Variants in PRKG1 observed in about 807,000 individuals in gnomAD.
PRKG1 encodes the protein protein kinase cGMP-dependent 1.
Under a neutral mutation model 88.1 loss-of-function variants are expected in PRKG1, and 35 were observed. The ratio of observed to expected loss-of-function variants is 0.40; its 90% CI spans 0.30 to 0.53. PRKG1 has a LOEUF of 0.53. Among genes scored for constraint, PRKG1 ranks in the 20% least tolerant of loss-of-function variants. The pLI is 0.59. For missense variants in PRKG1, 540 were observed against 839.8 expected (o/e 0.64, Z 4.41); for synonymous variants, 303 against 292.5 (o/e 1.04, Z -0.37).
intron 1 of PRKG1, among the ~76,000 whole-genome samples, chr10:51,143,538 G>A (rs1013270481): frequency 6.6e-6 from 1 of 151,910 alleles, no homozygotes; most frequent in African/African-American, 2.4e-5. Flanking sequence ...AATTTTTTGA[G>A]GAATCTTCAT....
Position 52,011,886 on chromosome 10 carries a change from T to G in PRKG1, c.763-42598T>G, listed in dbSNP as rs183531225. On this transcript the variant is annotated intron_variant, in intron 5 of 17. Transcript: ENST00000373980. ...AATGGATCTCATGATATCTGATGGTTGTAAAAATGGGAGATTCTCTGCACA... is the reference window on the plus strand; with the variant it reads ...AATGGATCTCATGATATCTGATGGTGGTAAAAATGGGAGATTCTCTGCACA... Among the ~76,000 whole-genome samples, 586 of 152,272 alleles carry G rather than the reference T, an allele frequency of 3.8e-3. 6 individuals carry two copies. The highest frequency in any genetic ancestry group is 0.013 in the African/African-American group (561 of 41,556).
intron 7 of PRKG1, among the ~76,000 whole-genome samples, chr10:52,120,643 C>G (rs984971062): frequency 2.6e-5 from 4 of 152,200 alleles, no homozygotes; most frequent in South Asian, 2.1e-4. Context: ...ATTAAATCTT[C>G]AGAACAATCT....
chr10:51,163,564 ACCAT>A (rs1846427643), intron 2 of PRKG1, among the ~76,000 whole-genome samples: 2 of 152,182 alleles, frequency 1.3e-5, no homozygotes, highest in Non-Finnish European at 2.9e-5. Flanking sequence ...GCGCACCCGC[ACCAT>A]GTGCGAGCCG....
chr10:51,280,784 T>A lies in PRKG1; in HGVS notation c.478+127454T>A, dbSNP rs543758072. Among the ~76,000 whole-genome samples, 11 of 152,284 alleles carry A rather than the reference T, an allele frequency of 7.2e-5. No homozygotes were observed. In the East Asian group the frequency reaches 1.2e-3, roughly 16 times the overall value. ...CATTCTTCTAATCTTTTTTCAAGGTTTTTAGCTTCTTTGCGATGGGTTCGA... is the reference window on the plus strand; with the variant it reads ...CATTCTTCTAATCTTTTTTCAAGGTATTTAGCTTCTTTGCGATGGGTTCGA... On this transcript the variant is annotated intron_variant, in intron 2 of 17. Transcript: ENST00000373980.
At chr10:52,150,403 T>A (rs1837880517) in intron 8 of PRKG1, among the ~76,000 whole-genome samples, 1 of 151,968 alleles carries the variant, frequency 6.6e-6, no homozygotes, top group South Asian at 2.1e-4. Context: ...GCAAATTACT[T>A]AATTTTCTTA....
chr10:51,294,246 CT>C (rs898213080), intron 2 of PRKG1, among the ~76,000 whole-genome samples: 12 of 151,988 alleles, frequency 7.9e-5, no homozygotes, highest in Non-Finnish European at 1.2e-4. Context: ...TATATTATTA[CT>C]TTTTTTCTTG....
intron 4 of PRKG1, among the ~76,000 whole-genome samples, chr10:51,880,664 T>C (rs1320750664): frequency 6.6e-6 from 1 of 152,206 alleles, no homozygotes; most frequent in East Asian, 1.9e-4. Flanking sequence ...TTGTATCCAC[T>C]CATATCCTGG....
intron 4 of PRKG1, among the ~76,000 whole-genome samples, chr10:51,883,836 G>A (rs1383606487): frequency 3.3e-5 from 5 of 152,012 alleles, no homozygotes; most frequent in Non-Finnish European, 5.9e-5. Context: ...CACCTTTATC[G>A]TCTTCCTATT....
intron 7 of PRKG1, chr10:52,125,934 A>G (rs1343289187): frequency 1.3e-5 from 2 of 152,154 alleles, no homozygotes; most frequent in Admixed American, 6.6e-5. Context: ...GATTGCTACT[A>G]AGTGGCTAAT....
At chr10:51,684,332 TAA>T (rs1390702472) in intron 3 of PRKG1, among the ~76,000 whole-genome samples, 1 of 151,992 alleles carries the variant, frequency 6.6e-6, no homozygotes, top group Non-Finnish European at 1.5e-5. Flanking sequence ...AGGCTGAGAG[TAA>T]AAGAGTAGGA....
intron 5 of PRKG1, among the ~76,000 whole-genome samples, chr10:51,912,236 GT>G (rs1370997940): frequency 6.6e-6 from 1 of 152,230 alleles, no homozygotes; most frequent in East Asian, 1.9e-4. Flanking sequence ...TGGTGGTAGT[GT>G]GTTGAGAGGA....
At chr10:52,015,833 A>T (rs1036300762) in intron 5 of PRKG1, among the ~76,000 whole-genome samples, 1 of 152,140 alleles carries the variant, frequency 6.6e-6, no homozygotes, top group African/African-American at 2.4e-5. Flanking sequence ...TCAAAGTTCA[A>T]CGGATCTTTA....
chr10:51,077,287 T>C (rs990766963), intron 1 of PRKG1, among the ~76,000 whole-genome samples: 5 of 152,246 alleles, frequency 3.3e-5, no homozygotes, highest in Non-Finnish European at 7.3e-5. Flanking sequence ...TCATCTTTAC[T>C]ACATCTTAAA....
intron 2 of PRKG1, among the ~76,000 whole-genome samples, chr10:51,404,977 A>G (rs893270238): frequency 2.0e-5 from 3 of 152,216 alleles, no homozygotes; most frequent in African/African-American, 7.2e-5. Context: ...AAAAAATCAC[A>G]AAGTTCTCAC....
At chr10:51,501,212 A>G (rs560013870) in intron 3 of PRKG1, among the ~76,000 whole-genome samples, 1 of 152,246 alleles carries the variant, frequency 6.6e-6, no homozygotes, top group South Asian at 2.1e-4. Flanking sequence ...TAACCAAAGG[A>G]TTATAGCAGT....
At chr10:52,134,912 GAAATTGTT>G (rs1404645575) in intron 8 of PRKG1, among the ~76,000 whole-genome samples, 1 of 152,018 alleles carries the variant, frequency 6.6e-6, no homozygotes, top group Non-Finnish European at 1.5e-5. Context: ...GGATATTTCT[GAAATTGTT>G]ATATTTTGTC....
chr10:51,996,752 C>A (rs556182955), intron 5 of PRKG1, among the ~76,000 whole-genome samples: 2 of 152,026 alleles, frequency 1.3e-5, no homozygotes, highest in Non-Finnish European at 2.9e-5. Flanking sequence ...AGAAATGGAA[C>A]CCCCATATAA....
At chr10:51,527,191 A>G (rs1841903590) in intron 3 of PRKG1, among the ~76,000 whole-genome samples, 1 of 152,184 alleles carries the variant, frequency 6.6e-6, no homozygotes, top group Non-Finnish European at 1.5e-5. Context: ...ATAAAGACAT[A>G]GCTGAGGAAT....
At chr10:51,626,550 AC>A (rs1159133774) in intron 3 of PRKG1, among the ~76,000 whole-genome samples, 1 of 152,168 alleles carries the variant, frequency 6.6e-6, no homozygotes, top group Non-Finnish European at 1.5e-5. Flanking sequence ...TGTCCAAACA[AC>A]CCACAAAAAT....
Sources: allele counts gnomAD v4.1 joint callset (sites outside exome capture counted in the v4.1 genomes callset), GRCh38; gene constraint gnomAD v4.1.1; transcripts MANE v1.5; gene names NCBI Gene and HGNC (gene_info 2026-07-23, HGNC 2026-07-21).